The following CR1 variants were observed in gnomAD, a reference collection of about 807,000 sequenced individuals.
The protein encoded by CR1 is complement C3b/C4b receptor 1 (Knops blood group), also known as complement receptor type 1.
A neutral mutation model predicts 187.3 loss-of-function variants in CR1; 116 were observed. The observed-to-expected ratio is 0.62, with a 90% CI of 0.53 to 0.72. CR1 has a LOEUF of 0.72. Ranked by LOEUF, CR1 falls within the 30% of genes least tolerant of loss-of-function variation. The pLI is 0.00. For missense variants in CR1, 1,731 were observed against 2,110.7 expected, an observed-to-expected ratio of 0.82 and a Z score of 3.52; for synonymous variants, 576 against 747.1, an observed-to-expected ratio of 0.77 and a Z score of 3.73.
At chr1:207,551,838 G>GT (rs2102316464) in intron 17 of CR1, 126 bp from the exon 18 acceptor site, 3 of 32 alleles carry the variant, frequency 0.094, no homozygotes, top group Non-Finnish European at 0.15. Context: ...TTACAGGGAA[G>GT]TTTTTTTTTT....
At chr1:207,497,385 C>G (rs1330728118) in intron 1 of CR1, among the ~76,000 whole-genome samples, 1 of 152,184 alleles carries the variant, frequency 6.6e-6, no homozygotes, top group African/African-American at 2.4e-5. Flanking sequence ...TCACTGGCAA[C>G]ATCTCATTTG....
intron 36 of CR1, among the ~76,000 whole-genome samples, chr1:207,608,762 G>A (rs940691858): frequency 6.6e-5 from 10 of 152,108 alleles, no homozygotes; most frequent in African/African-American, 1.9e-4. Flanking sequence ...GGTTATGTGT[G>A]TATATGTGTG....
rs979944202 is a variant in CR1, at chr1:207,618,180, A to G, written c.6999A>G (p.Leu2333=). Reference sequence around the variant, plus strand: ...ACATTTGTGACCCCGGCTACCTGTTAGTGGGAAAGGGCTTCATTTTCTGTA... The same window carrying G: ...ACATTTGTGACCCCGGCTACCTGTTGGTGGGAAAGGGCTTCATTTTCTGTA... ...ISYICDPGYL[L]VGKGFIFCTD... is the part of the protein sequence containing the mutation. The change falls in exon 42 of 47, where the codon TTA becomes TTG. Residue 2333 remains leucine, a synonymous_variant. Coordinates refer to ENST00000367049, the MANE Select transcript of CR1 (RefSeq NM_000651.6). 6.2e-7 allele frequency: 1 copy of G among 1,613,840 alleles called. No homozygotes were observed.
At chr1:207,591,032 TAGAC>T (rs1661255432) in intron 35 of CR1, among the ~76,000 whole-genome samples, 1 of 152,150 alleles carries the variant, frequency 6.6e-6, no homozygotes, top group Non-Finnish European at 1.5e-5. Context: ...CTGTCAGTAT[TAGAC>T]AGGTCAACGA....
chr1:207,574,632 A>C (rs1420737337), intron 27 of CR1, among the ~76,000 whole-genome samples: 1 of 152,226 alleles, frequency 6.6e-6, no homozygotes, highest in African/African-American at 2.4e-5. Flanking sequence ...CTCTAAACTC[A>C]TAGAACATAT....
intron 1 of CR1, among the ~76,000 whole-genome samples, chr1:207,500,598 T>C (rs1659236709): frequency 6.6e-6 from 1 of 152,192 alleles, no homozygotes; most frequent in South Asian, 2.1e-4. Flanking sequence ...CCCACTAGAA[T>C]GACTAAAATG....
At chr1:207,625,140 A>G (rs564956445) in intron 45 of CR1, among the ~76,000 whole-genome samples, 1 of 152,360 alleles carries the variant, frequency 6.6e-6, no homozygotes, top group South Asian at 2.1e-4. Flanking sequence ...ATGACTCAAT[A>G]ACCATTTCAT....
chr1:207,603,038 G>A (rs1661649260), intron 35 of CR1, among the ~76,000 whole-genome samples: 1 of 152,040 alleles, frequency 6.6e-6, no homozygotes, highest in Admixed American at 6.6e-5. Flanking sequence ...ATTTAATGTT[G>A]TGGTGATGTT....
In CR1 at chr1:207,574,387, G is replaced by T. The variant is rs780905243; in HGVS notation, c.4452-1208G>T. Among the ~76,000 whole-genome samples the T allele has an allele frequency of 5.9e-5, 9 of 152,106 alleles. 1 individual carries two copies. The highest frequency in any genetic ancestry group is 1.3e-4 in the Non-Finnish European group (9 of 68,034). On this transcript the variant is annotated intron_variant, in intron 27 of 46. Transcript: ENST00000367049. ...TTGTAGAAGATAGCATTTCTCTTGAGCCAAGCTAATATTCACACCTAGAGG... is the reference window on the plus strand; with the variant it reads ...TTGTAGAAGATAGCATTTCTCTTGATCCAAGCTAATATTCACACCTAGAGG...
In CR1 at chr1:207,611,979, C is replaced by T. The variant is rs1374195364; in HGVS notation, c.6513C>T (p.Gly2171=). The part of the protein sequence containing the change: ...CDDFLGQLPH[G]RVLLPLNLQL... ...ACTTCCTGGGCCAACTCCCTCATGG[C>T]CGTGTGCTACTTCCACTTAATCTCC... Residue 2171 remains glycine, a synonymous_variant, in exon 39 of 47, where the codon GGC becomes GGT. Transcript: ENST00000367049. 1.2e-6 allele frequency: 2 copies of T among 1,613,866 alleles called. No individual in the cohort carries two copies. Among genetic ancestry groups the T allele is most frequent in the Non-Finnish European group, 8.5e-7 (1 of 1,179,898 alleles).
intron 42 of CR1, among the ~76,000 whole-genome samples, chr1:207,618,774 G>A (rs980699969): frequency 1.1e-4 from 16 of 152,062 alleles, no homozygotes; most frequent in African/African-American, 1.7e-4. Context: ...GTCTGGGTGC[G>A]GTGGCTCACA....
intron 37 of CR1, 29 bp downstream of exon 37, chr1:207,609,717 G>C: frequency 6.5e-7 from 1 of 1,530,490 alleles, no homozygotes; most frequent in Non-Finnish European, 8.8e-7. Context: ...GACTTTGCTG[G>C]GTGTGAGGGT....
At chr1:207,522,956 C>T (rs545661577) in intron 4 of CR1, among the ~76,000 whole-genome samples, 1 of 152,262 alleles carries the variant, frequency 6.6e-6, no homozygotes, top group South Asian at 2.1e-4. Flanking sequence ...CAGATATCAT[C>T]TTATGATATC....
At chr1:207,517,754 A>G (rs1279307437) in intron 4 of CR1, among the ~76,000 whole-genome samples, 1 of 152,070 alleles carries the variant, frequency 6.6e-6, no homozygotes, top group Admixed American at 6.5e-5. Context: ...TACTCATTTT[A>G]TTTAGATTTC....
rs540681109 is a variant in CR1, at chr1:207,609,894, G to T, written c.6295+206G>T. ...GTAGACATATTTTAGATGCATTTTT[G>T]AATTTAACATTTACAGCAAATATAT... On this transcript the variant is annotated intron_variant, in intron 37 of 46. Coordinates refer to ENST00000367049, the MANE Select transcript of CR1 (RefSeq NM_000651.6). Among the ~76,000 whole-genome samples, 147 of 152,182 alleles carry T rather than the reference G, an allele frequency of 9.7e-4. No homozygotes were observed. In the Middle Eastern group the frequency reaches 0.014, roughly 14 times the overall value.
intron 4 of CR1, among the ~76,000 whole-genome samples, chr1:207,516,757 T>G (rs1415746913): frequency 6.6e-6 from 1 of 152,130 alleles, no homozygotes; most frequent in Non-Finnish European, 1.5e-5. Context: ...ATTTCATTCT[T>G]TAATTATTTA....
At chr1:207,508,587 T>G (rs1227721204) in intron 3 of CR1, among the ~76,000 whole-genome samples, 2 of 152,362 alleles carry the variant, frequency 1.3e-5, no homozygotes, top group African/African-American at 4.8e-5. Context: ...ATTATAACTG[T>G]TTCAATATCT....
chr1:207,521,051 A>G (rs1165914315), intron 4 of CR1, among the ~76,000 whole-genome samples: 2 of 132,706 alleles, frequency 1.5e-5, no homozygotes, highest in Non-Finnish European at 1.5e-5. Flanking sequence ...ATCTCGGCTC[A>G]CTGCAACCTC....
intron 3 of CR1, among the ~76,000 whole-genome samples, chr1:207,510,148 A>C (rs1659567178): frequency 6.6e-6 from 1 of 152,168 alleles, no homozygotes; most frequent in Non-Finnish European, 1.5e-5. Context: ...TGGAGGTTGC[A>C]GTGAGCCAAG....
Sources: gnomAD v4.1 joint callset for allele counts (sites outside exome capture counted in the v4.1 genomes callset) on GRCh38, gnomAD v4.1.1 for gene constraint, MANE v1.5 for transcripts, NCBI Gene and HGNC (gene_info 2026-07-23, HGNC 2026-07-21) for gene names.